The following CMIP variants were observed in gnomAD, a reference collection of about 807,000 sequenced individuals.
The protein encoded by CMIP is c-Maf inducing protein.
Under a neutral mutation model 97.3 loss-of-function variants are expected in CMIP, and 13 were observed. The ratio of observed to expected loss-of-function variants is 0.13; its 90% CI spans 0.09 to 0.21. CMIP has a LOEUF of 0.21. CMIP is among the 10% of genes least tolerant of loss of function. CMIP has a pLI of 1.00. For missense variants in CMIP, 847 were observed against 1,024.9 expected (o/e 0.83, Z 2.37); for synonymous variants, 538 against 436.3 (o/e 1.23, Z -2.91).
intron 2 of CMIP, chr16:81,619,307 T>G (rs2091962148): frequency 1.3e-5 from 2 of 152,236 alleles, no homozygotes; most frequent in Admixed American, 1.3e-4. Flanking sequence ...TCACCACACT[T>G]GCTACTGGAA....
rs2091886476 is a variant in CMIP at position 81,614,794 on chromosome 16, CCTG to C, written c.427-6081_427-6079del. Among the ~76,000 whole-genome samples, 1 of 141,842 alleles carries C rather than the reference CCTG, an allele frequency of 7.1e-6. No homozygotes were observed. The highest frequency in any genetic ancestry group is 2.6e-5 in the African/African-American group (1 of 37,888). The allele number at this position is 141,842 out of a possible 152,430, so 93.1% of individuals were successfully genotyped here. A position where few individuals can be genotyped will look rare whatever the true frequency, so the allele number is the denominator to read the frequency against. ...TGTGTGGTATGTGTGCATGTGTGTG[CCTG>C]ATATGTGTGTTTATATGTGGTATGT... On this transcript the variant is annotated intron_variant, in intron 2 of 20. Transcript: ENST00000537098. This position sits in a 1 kb window ranked among gnomAD's most constrained non-coding sequence, Gnocchi z 5.3.
At chr16:81,574,270 C>A (rs1455019038) in intron 1 of CMIP, among the ~76,000 whole-genome samples, 2 of 152,084 alleles carry the variant, frequency 1.3e-5, no homozygotes, top group Admixed American at 1.3e-4. Flanking sequence ...AACCCCACGG[C>A]CCCCTCCTCC....
At chr16:81,677,424 T>A (rs1904384871) in intron 9 of CMIP, among the ~76,000 whole-genome samples, 1 of 152,188 alleles carries the variant, frequency 6.6e-6, no homozygotes, top group Non-Finnish European at 1.5e-5. Flanking sequence ...GTGACTGCAC[T>A]TAGCACCTTG....
chr16:81,591,523 C>T (rs1277589707), intron 1 of CMIP, among the ~76,000 whole-genome samples: 2 of 152,136 alleles, frequency 1.3e-5, no homozygotes. Context: ...GTGCACACAG[C>T]CACATGGATG....
intron 1 of CMIP, among the ~76,000 whole-genome samples, chr16:81,566,817 G>C (rs1366459285): frequency 6.6e-6 from 1 of 152,164 alleles, no homozygotes; most frequent in African/African-American, 2.4e-5. Context: ...GTACTACACA[G>C]CAATGAAAAA....
intron 14 of CMIP, 169 bp downstream of exon 14, chr16:81,696,836 C>T: frequency 1.6e-6 from 1 of 638,302 alleles, no homozygotes; most frequent in Non-Finnish European, 2.7e-6. Flanking sequence ...GTGACCGTGA[C>T]TGTCACTTAC....
rs1567682259 is a variant in CMIP at position 81,711,561 on chromosome 16, G to A, written c.*1762G>A. Reference sequence around the variant, plus strand: ...TCACAGCACTCTGGTGCGGGAAGAAGCAGAAGCAAAAAAAATAAAAATAAA... The same window carrying A: ...TCACAGCACTCTGGTGCGGGAAGAAACAGAAGCAAAAAAAATAAAAATAAA... On this transcript the variant is annotated 3_prime_UTR_variant, in exon 21 of 21. Coordinates refer to ENST00000537098, the MANE Select transcript of CMIP (RefSeq NM_198390.3). 2 of 133,536 alleles carry A rather than the reference G, an allele frequency of 1.5e-5. No homozygotes were observed. Among genetic ancestry groups the A allele is most frequent in the East Asian group, 2.1e-4 (1 of 4,676 alleles). The allele number at this position is 133,536 out of a possible 1,614,324, so 8.3% of individuals were successfully genotyped here. A position where few individuals can be genotyped will look rare whatever the true frequency, so the allele number is the denominator to read the frequency against.
At chr16:81,532,621 G>A (rs1250029307) in intron 1 of CMIP, among the ~76,000 whole-genome samples, 1 of 152,108 alleles carries the variant, frequency 6.6e-6, no homozygotes, top group African/African-American at 2.4e-5. Context: ...CCGAGGCAGC[G>A]GGAGGCGAAG....
chr16:81,644,396 G>C (rs780734157), intron 3 of CMIP, among the ~76,000 whole-genome samples: 23 of 152,242 alleles, frequency 1.5e-4, no homozygotes, highest in Non-Finnish European at 2.5e-4. Context: ...GACCCAGGGT[G>C]TCTCTGTGGG....
intron 1 of CMIP, among the ~76,000 whole-genome samples, chr16:81,517,450 G>A (rs773532680): frequency 2.2e-4 from 33 of 152,194 alleles, no homozygotes; most frequent in Non-Finnish European, 4.1e-4. Context: ...TCACACAAAT[G>A]CATAACACAA....
Position 81,535,431 on chromosome 16 carries a change from C to A in CMIP, c.301-72136C>A, listed in dbSNP as rs187768347. Reference sequence around the variant, plus strand: ...TCATGATGCTTCCCTGTGCTTCTTTCCTGTCACTTCTGCTCATGGTATAGC... The same window carrying A: ...TCATGATGCTTCCCTGTGCTTCTTTACTGTCACTTCTGCTCATGGTATAGC... On this transcript the variant is annotated intron_variant, in intron 1 of 20. Transcript: ENST00000537098. Among the ~76,000 whole-genome samples, 442 of 149,940 alleles carry A rather than the reference C, an allele frequency of 2.9e-3. 7 individuals carry two copies. The highest frequency in any genetic ancestry group is 0.028 in the Admixed American group (428 of 15,076).
intron 1 of CMIP, among the ~76,000 whole-genome samples, chr16:81,598,624 A>G (rs1597131356): frequency 6.6e-6 from 1 of 152,126 alleles, no homozygotes. Context: ...TACTTTACAC[A>G]TGGTTCTAAC....
chr16:81,551,946 G>T (rs1350113393), intron 1 of CMIP, among the ~76,000 whole-genome samples: 1 of 152,240 alleles, frequency 6.6e-6, no homozygotes, highest in Non-Finnish European at 1.5e-5. Flanking sequence ...AGTCACCATG[G>T]ACGCTGTTCC....
intron 9 of CMIP, among the ~76,000 whole-genome samples, chr16:81,675,277 C>T (rs1166480536): frequency 1.3e-5 from 2 of 152,076 alleles, no homozygotes; most frequent in Non-Finnish European, 2.9e-5. Flanking sequence ...AATCTCTGCT[C>T]ACTGCAACCT....
At chr16:81,703,817 A>G in intron 17 of CMIP, 122 bp from the exon 18 acceptor site, 2 of 1,333,746 alleles carry the variant, frequency 1.5e-6, no homozygotes, top group Non-Finnish European at 2.0e-6. Flanking sequence ...CCTGGGATTT[A>G]CCGCCCCCCA....
At chr16:81,604,255 G>T (rs2091704202) in intron 1 of CMIP, among the ~76,000 whole-genome samples, 1 of 151,858 alleles carries the variant, frequency 6.6e-6, no homozygotes, top group African/African-American at 2.4e-5. Context: ...AATTAGCTGG[G>T]CGTGGTGGCG....
At chr16:81,561,815 C>T (rs1289978483) in intron 1 of CMIP, among the ~76,000 whole-genome samples, 1 of 152,138 alleles carries the variant, frequency 6.6e-6, no homozygotes, top group Non-Finnish European at 1.5e-5. Flanking sequence ...AATTCAGTTC[C>T]TCAGTTTCAG....
chr16:81,601,380 C>A (rs945951064), intron 1 of CMIP, among the ~76,000 whole-genome samples: 1 of 152,130 alleles, frequency 6.6e-6, no homozygotes, highest in African/African-American at 2.4e-5. Flanking sequence ...GGCTAGGTGT[C>A]TTCTGCCAGC....
intron 1 of CMIP, among the ~76,000 whole-genome samples, chr16:81,478,335 G>C (rs1222726379): frequency 6.6e-6 from 1 of 152,212 alleles, no homozygotes; most frequent in Non-Finnish European, 1.5e-5. Context: ...ACAGGGAGCC[G>C]ACAGTTCTGC....
Sources: gnomAD v4.1 joint callset for allele counts (sites outside exome capture counted in the v4.1 genomes callset) on GRCh38, gnomAD v4.1.1 for gene constraint, Gnocchi (gnomAD v3.1) non-coding constraint, MANE v1.5 for transcripts, NCBI Gene and HGNC (gene_info 2026-07-23, HGNC 2026-07-21) for gene names.